The following BBS9 variants were observed in gnomAD, a reference collection of about 807,000 sequenced individuals.
BBS9 encodes the protein Bardet-Biedl syndrome 9.
A neutral mutation model predicts 117.7 loss-of-function variants in BBS9; 89 were observed. The observed-to-expected ratio is 0.76, with a 90% CI of 0.64 to 0.90. BBS9 has a LOEUF of 0.90. Among genes scored for constraint, BBS9 ranks in the 40% least tolerant of loss-of-function variants. The pLI is 0.00. For synonymous variants in BBS9, 379 were observed against 370.9 expected (o/e 1.02, Z -0.25); for missense variants, 982 against 1,042.2 (o/e 0.94, Z 0.80).
At chr7:33,252,819 C>T (rs999402089) in intron 5 of BBS9, among the ~76,000 whole-genome samples, 5 of 151,784 alleles carry the variant, frequency 3.3e-5, no homozygotes, top group African/African-American at 9.7e-5. Flanking sequence ...GAAAATATAT[C>T]GACATTTGTA....
chr7:33,220,466 G>T (rs1019528678), intron 5 of BBS9, among the ~76,000 whole-genome samples: 1 of 152,192 alleles, frequency 6.6e-6, no homozygotes. Context: ...TGTTTGCTGT[G>T]TCCTATTGTG....
intron 13 of BBS9, among the ~76,000 whole-genome samples, chr7:33,350,281 G>C (rs1226816447): frequency 6.6e-6 from 1 of 152,086 alleles, no homozygotes; most frequent in African/African-American, 2.4e-5. Flanking sequence ...GCCGTTAGTA[G>C]GAATTCAACA....
At chr7:33,303,610 T>C (rs1423558037) in intron 9 of BBS9, among the ~76,000 whole-genome samples, 1 of 136,484 alleles carries the variant, frequency 7.3e-6, no homozygotes, top group African/African-American at 2.8e-5. Flanking sequence ...CCTCCCTGCC[T>C]CGGGCTCCCA....
At chr7:33,527,493 T>C (rs988176137) in intron 20 of BBS9, among the ~76,000 whole-genome samples, 7 of 152,172 alleles carry the variant, frequency 4.6e-5, no homozygotes, top group African/African-American at 1.7e-4. Context: ...AATATTCGGG[T>C]GGGAGTGACC....
At chr7:33,589,716 A>G (rs999764760) in intron 21 of BBS9, among the ~76,000 whole-genome samples, 26 of 152,014 alleles carry the variant, frequency 1.7e-4, no homozygotes, top group African/African-American at 6.3e-4. Flanking sequence ...AGTTTGGGAC[A>G]TGTTGAGTTT....
intron 21 of BBS9, among the ~76,000 whole-genome samples, chr7:33,582,270 T>A (rs1860083930): frequency 6.6e-6 from 1 of 151,950 alleles, no homozygotes; most frequent in Non-Finnish European, 1.5e-5. Flanking sequence ...GAGTAAACTG[T>A]ATGCATGCAA....
At chr7:33,337,222 AT>A (rs931797548) in intron 10 of BBS9, among the ~76,000 whole-genome samples, 8 of 151,504 alleles carry the variant, frequency 5.3e-5, no homozygotes, top group South Asian at 2.1e-4. Context: ...AAAGGGTATA[AT>A]TTTTTTTTGT....
At chr7:33,367,739 T>G in intron 16 of BBS9, 28 bp from the exon 17 acceptor site, 1 of 1,600,608 alleles carries the variant, frequency 6.2e-7, no homozygotes, top group Non-Finnish European at 8.6e-7. Flanking sequence ...TCTGGTTACA[T>G]AAGGTGATTT....
At chr7:33,332,101 G>A (rs900464615) in intron 9 of BBS9, among the ~76,000 whole-genome samples, 2 of 150,838 alleles carry the variant, frequency 1.3e-5, no homozygotes, top group South Asian at 2.1e-4. Flanking sequence ...GTATAAAAAC[G>A]GGCACATAGA....
intron 9 of BBS9, among the ~76,000 whole-genome samples, chr7:33,315,282 G>A (rs1207594177): frequency 6.6e-6 from 1 of 152,090 alleles, no homozygotes; most frequent in African/African-American, 2.4e-5. Context: ...AACCCTTGGT[G>A]TTCCTTGGCT....
chr7:33,475,780 T>G (rs947206081), intron 19 of BBS9, among the ~76,000 whole-genome samples: 1 of 152,104 alleles, frequency 6.6e-6, no homozygotes, highest in African/African-American at 2.4e-5. Context: ...AAAATCACTA[T>G]GATGTAAAGA....
chr7:33,537,115 G>T (rs1035983388), intron 21 of BBS9, among the ~76,000 whole-genome samples: 2 of 152,086 alleles, frequency 1.3e-5, no homozygotes, highest in African/African-American at 4.8e-5. Context: ...GGTAACGAAG[G>T]TCTAAGAAGG....
rs2128661049 is a variant in BBS9 at position 33,349,071 on chromosome 7, A to T, written c.1333A>T (p.Thr445Ser). 6.3e-7 allele frequency: 1 copy of T among 1,599,020 alleles called. No individual in the cohort carries two copies. The highest frequency in any genetic ancestry group is 8.6e-7 in the Non-Finnish European group (1 of 1,166,526). Residue 445 changes from threonine to serine, a missense_variant, in exon 13 of 23, where the codon ACA (threonine) becomes TCA (serine). Physicochemically the swap from Thr to Ser is moderately conservative, Grantham distance 58. Coordinates refer to ENST00000242067, the MANE Select transcript of BBS9 (RefSeq NM_198428.3). ...ATAACAATTTCTGTTTCCTTAGGTCACACTGCAGAACAGAGTGATATTGCA... is the reference window on the plus strand; with the variant it reads ...ATAACAATTTCTGTTTCCTTAGGTCTCACTGCAGAACAGAGTGATATTGCA... The part of the protein sequence containing the change: ...DLVPSVTVKV[T>S]LQNRVILQKA...
Position 33,177,700 on chromosome 7 carries a change from G to C in BBS9, c.442+109G>C, listed in dbSNP as rs549959412. 6.4e-5 allele frequency: 53 copies of C among 828,502 alleles called. No homozygotes were observed. The East Asian group carries it at 1.4e-3, about 22-fold the overall frequency. The allele number at this position is 828,502 out of a possible 1,614,324, so 51.3% of individuals were successfully genotyped here. A position where few individuals can be genotyped will look rare whatever the true frequency, so the allele number is the denominator to read the frequency against. On this transcript the variant is annotated intron_variant, in intron 5 of 22. Transcript: ENST00000242067. ...TTGACTCTCAGAAAGAGTTAAAATA[G>C]ACATTTTATTGAAACCTTTGTATCC...
intron 19 of BBS9, among the ~76,000 whole-genome samples, chr7:33,433,052 CTG>C (rs35133251): frequency 0.046 from 6,963 of 152,186 alleles, 204 homozygotes; most frequent in East Asian, 0.14. Context: ...AGGCTGAAAA[CTG>C]TGAATCATTT....
At chr7:33,439,631 C>T (rs550228463) in intron 19 of BBS9, among the ~76,000 whole-genome samples, 76 of 150,188 alleles carry the variant, frequency 5.1e-4, no homozygotes, top group Non-Finnish European at 8.0e-4. Context: ...CAGGTTCAAG[C>T]GATTCTCCTG....
rs559436948 is a variant in BBS9 at position 33,344,143 on chromosome 7, G to A, written c.1276-438G>A. Among the ~76,000 whole-genome samples the A allele has an allele frequency of 3.5e-3, 464 of 131,758 alleles. 3 individuals are homozygous for A. Among genetic ancestry groups the A allele is most frequent in the African/African-American group, 0.013 (439 of 33,532 alleles). The allele number at this position is 131,758 out of a possible 152,430, so 86.4% of individuals were successfully genotyped here. On this transcript the variant is annotated intron_variant, in intron 11 of 22. Transcript: ENST00000242067. ...GTCGCCCAGGCTGGAGTGCAGTGGC[G>A]TGATCTCGGCTCACTGCAAGCTCCG...
chr7:33,578,037 A>T (rs1859238727), intron 21 of BBS9, among the ~76,000 whole-genome samples: 1 of 152,190 alleles, frequency 6.6e-6, no homozygotes. Context: ...TGTACCCTAG[A>T]ACTTAAAGTA....
chr7:33,478,611 A>G (rs1028959102), intron 19 of BBS9, among the ~76,000 whole-genome samples: 38 of 152,342 alleles, frequency 2.5e-4, no homozygotes, highest in African/African-American at 8.7e-4. Context: ...TGTTCTTATC[A>G]AGAGCTTTGC....
Sources: gnomAD v4.1 joint callset for allele counts (sites outside exome capture counted in the v4.1 genomes callset) on GRCh38, gnomAD v4.1.1 for gene constraint, MANE v1.5 for transcripts, NCBI Gene and HGNC (gene_info 2026-07-23, HGNC 2026-07-21) for gene names.